The following FILIP1 variants were observed in gnomAD, a reference collection of about 807,000 sequenced individuals.
The protein encoded by FILIP1 is filamin A interacting protein 1.
FILIP1 carries 61 observed loss-of-function variants against 102.1 expected under a neutral mutation model. The observed-to-expected ratio is 0.60, with a 90% CI of 0.49 to 0.74. FILIP1 has a LOEUF of 0.74. Ranked by LOEUF, FILIP1 falls within the 30% of genes least tolerant of loss-of-function variation. FILIP1 has a pLI of 0.00. For missense variants in FILIP1, 1,314 were observed against 1,441.2 expected (o/e 0.91, Z 1.43); for synonymous variants, 491 against 526.9 (o/e 0.93, Z 0.93).
At chr6:75,450,312 A>C (rs79461711) in intron 1 of FILIP1, among the ~76,000 whole-genome samples, 276 of 152,206 alleles carry the variant, frequency 1.8e-3, no homozygotes, top group African/African-American at 6.4e-3. Flanking sequence ...ATGTTCTACA[A>C]GTATTCTGTG....
At chr6:75,388,930 G>A (rs1282394146) in intron 2 of FILIP1, among the ~76,000 whole-genome samples, 1 of 152,142 alleles carries the variant, frequency 6.6e-6, no homozygotes, top group African/African-American at 2.4e-5. Context: ...GGTGAGAGAG[G>A]GCATCCTTGT....
At chr6:75,386,495 C>T (rs1362015050) in intron 2 of FILIP1, 1 of 152,144 alleles carries the variant, frequency 6.6e-6, no homozygotes. Flanking sequence ...AGCAAGATAC[C>T]ATGGAGCTGC....
intron 1 of FILIP1, among the ~76,000 whole-genome samples, chr6:75,470,966 G>A (rs1779308458): frequency 1.3e-5 from 2 of 151,896 alleles, no homozygotes; most frequent in African/African-American, 4.8e-5. Context: ...TTCAAGACCA[G>A]CCTAGGCCAC....
At chr6:75,295,371 A>C (rs1482964726) in exon 7 of FILIP1, 3 of 152,218 alleles carry the variant, frequency 2.0e-5, no homozygotes, top group Non-Finnish European at 4.4e-5. Flanking sequence ...AGCATTGTAC[A>C]AGCAATAGTA....
chr6:75,315,687 C>T (rs1773420756), intron 4 of FILIP1, among the ~76,000 whole-genome samples: 1 of 152,172 alleles, frequency 6.6e-6, no homozygotes, highest in African/African-American at 2.4e-5. Context: ...CATGAAAAAA[C>T]ATGAGATACA....
intron 2 of FILIP1, among the ~76,000 whole-genome samples, chr6:75,376,093 T>C (rs971551860): frequency 3.3e-5 from 5 of 152,282 alleles, no homozygotes; most frequent in Middle Eastern, 3.4e-3. Context: ...CTCAGGGTGG[T>C]CCTTATAAGT....
chr6:75,470,576 T>C (rs557279438), intron 1 of FILIP1, among the ~76,000 whole-genome samples: 1 of 152,322 alleles, frequency 6.6e-6, no homozygotes, highest in South Asian at 2.1e-4. Flanking sequence ...TGTATGTATA[T>C]ATGTATGCCT....
intron 4 of FILIP1, among the ~76,000 whole-genome samples, chr6:75,347,395 TA>T (rs1254964911): frequency 2.0e-5 from 3 of 152,240 alleles, no homozygotes; most frequent in African/African-American, 7.2e-5. Context: ...AGCAGAGTGC[TA>T]ATCACAAAGA....
chr6:75,491,734 T>C (rs1779963971), intron 1 of FILIP1, among the ~76,000 whole-genome samples: 1 of 152,188 alleles, frequency 6.6e-6, no homozygotes, highest in African/African-American at 2.4e-5. Context: ...GAGGAAACCG[T>C]GTTGTTTAGC....
chr6:75,350,254 T>C (rs1458108559), intron 4 of FILIP1, among the ~76,000 whole-genome samples: 1 of 152,090 alleles, frequency 6.6e-6, no homozygotes, highest in Non-Finnish European at 1.5e-5. Context: ...CCATAAAAAA[T>C]TATTTTAAAA....
chr6:75,415,123 A>T lies in FILIP1; in HGVS notation c.-6-145T>A, dbSNP rs1582470580. 3.9e-6 allele frequency: 3 copies of T among 777,216 alleles called. No homozygotes were observed. The African/African-American group carries it at 5.3e-5, about 14-fold the overall frequency. The allele number at this position is 777,216 out of a possible 1,614,324, so 48.1% of individuals were successfully genotyped here. On this transcript the variant is annotated intron_variant, in intron 1 of 5. Coordinates refer to ENST00000237172, the MANE Select transcript of FILIP1 (RefSeq NM_015687.5). ...AACATGTCATTAAAATTTTCAGGAAACCCCTTTGATGGTCTTCAGAAAAAA... is the reference window on the plus strand; with the variant it reads ...AACATGTCATTAAAATTTTCAGGAATCCCCTTTGATGGTCTTCAGAAAAAA...
intron 2 of FILIP1, among the ~76,000 whole-genome samples, chr6:75,401,843 A>C (rs969341177): frequency 2.6e-5 from 4 of 152,166 alleles, no homozygotes; most frequent in Non-Finnish European, 5.9e-5. Flanking sequence ...ATCTGTACAA[A>C]CTAATTTTAC....
intron 1 of FILIP1, among the ~76,000 whole-genome samples, chr6:75,475,116 T>C (rs1206333183): frequency 6.6e-6 from 1 of 152,218 alleles, no homozygotes; most frequent in East Asian, 1.9e-4. Flanking sequence ...CATGTCTTTA[T>C]GGCAATGCGA....
At chr6:75,410,384 A>T (rs1212864475) in intron 2 of FILIP1, among the ~76,000 whole-genome samples, 1 of 149,250 alleles carries the variant, frequency 6.7e-6, no homozygotes, top group African/African-American at 2.5e-5. Flanking sequence ...TAACTTCCAC[A>T]TTTTTTTTGA....
chr6:75,396,176 G>C (rs1776453872), intron 2 of FILIP1, among the ~76,000 whole-genome samples: 1 of 151,832 alleles, frequency 6.6e-6, no homozygotes, highest in Non-Finnish European at 1.5e-5. Flanking sequence ...AGTATGACAG[G>C]ATCATAAATT....
At chr6:75,318,996 A>G (rs758626539) in intron 4 of FILIP1, 12 of 640,632 alleles carry the variant, frequency 1.9e-5, no homozygotes, top group Non-Finnish European at 3.3e-5. Flanking sequence ...TAAATGCTTT[A>G]TAGACATGAA....
At chr6:75,362,586 C>T (rs1387071055) in intron 3 of FILIP1, among the ~76,000 whole-genome samples, 158 bp downstream of exon 3, 1 of 152,212 alleles carries the variant, frequency 6.6e-6, no homozygotes, top group Non-Finnish European at 1.5e-5. Context: ...AGCTTATCCA[C>T]TATAACCCTT....
At chr6:75,441,714 C>G (rs1258176178) in intron 1 of FILIP1, among the ~76,000 whole-genome samples, 4 of 146,230 alleles carry the variant, frequency 2.7e-5, no homozygotes, top group African/African-American at 7.7e-5. Context: ...GGGGACTGAC[C>G]CCCCCACCTC....
chr6:75,488,041 T>C (rs1582579173), intron 1 of FILIP1, among the ~76,000 whole-genome samples: 2 of 152,254 alleles, frequency 1.3e-5, no homozygotes, highest in East Asian at 3.9e-4. Context: ...TAAAAATTCT[T>C]TTTAGTTTGT....
Sources: allele counts gnomAD v4.1 joint callset (sites outside exome capture counted in the v4.1 genomes callset), GRCh38; gene constraint gnomAD v4.1.1; transcripts MANE v1.5; gene names NCBI Gene and HGNC (gene_info 2026-07-23, HGNC 2026-07-21).